The following BICRAL variants were observed in gnomAD, a reference collection of about 807,000 sequenced individuals.
The protein encoded by BICRAL is BICRA like chromatin remodeling complex associated protein, also known as BRD4-interacting chromatin-remodeling complex-associated protein-like.
Under a neutral mutation model 91.8 loss-of-function variants are expected in BICRAL, and 8 were observed. That is an observed-to-expected ratio of 0.09 (90% CI 0.05 to 0.16). BICRAL has a LOEUF of 0.16. BICRAL is among the 10% of genes least tolerant of loss of function. BICRAL has a pLI of 1.00. For synonymous variants in BICRAL, 445 were observed against 491.1 expected, an observed-to-expected ratio of 0.91 and a Z score of 1.24; for missense variants, 1,038 against 1,310.9, an observed-to-expected ratio of 0.79 and a Z score of 3.21.
rs770674437 is a variant in BICRAL, at chr6:42,750,629, G to C, written c.-261+3606G>C. 9.2e-5 allele frequency among the ~76,000 whole-genome samples: 14 copies of C among 152,244 alleles called. No homozygotes were observed. The Middle Eastern group carries it at 0.01, about 111-fold the overall frequency. On this transcript the variant is annotated intron_variant, in intron 1 of 14. Transcript: ENST00000614467. Reference sequence around the variant, plus strand: ...CTTGCTCTGTCGCCCAGGCTGGAGTGCAATGGCGCGATCTCGGCTTACTGC... The same window carrying C: ...CTTGCTCTGTCGCCCAGGCTGGAGTCCAATGGCGCGATCTCGGCTTACTGC...
chr6:42,820,401 A>T (rs1168609350), intron 2 of BICRAL, among the ~76,000 whole-genome samples: 1 of 152,112 alleles, frequency 6.6e-6, no homozygotes, highest in Non-Finnish European at 1.5e-5. Context: ...TAATTGGCTA[A>T]TTTTTTCCAT....
At chr6:42,795,424 C>T (rs1275691662) in intron 1 of BICRAL, among the ~76,000 whole-genome samples, 3 of 152,180 alleles carry the variant, frequency 2.0e-5, no homozygotes, top group African/African-American at 7.2e-5. Flanking sequence ...GAGAGCAAGA[C>T]TCTGTCTCAA....
intron 7 of BICRAL, among the ~76,000 whole-genome samples, chr6:42,853,167 T>A (rs1264114537): frequency 6.6e-6 from 1 of 151,888 alleles, no homozygotes; most frequent in African/African-American, 2.4e-5. Context: ...CCACCCAGAC[T>A]GAAAATATTA....
Position 42,750,802 on chromosome 6 carries a change from T to C in BICRAL, c.-261+3779T>C, listed in dbSNP as rs1005975782. ...ATGTTGGGCCAGGCTGGTCTTGAAC[T>C]CCTGACCTGAGATGATCCGCCTGCC... On this transcript the variant is annotated intron_variant, in intron 1 of 14. Transcript: ENST00000614467. 2.0e-5 allele frequency among the ~76,000 whole-genome samples: 3 copies of C among 149,992 alleles called. No homozygotes were observed. In the East Asian group the frequency reaches 5.9e-4, roughly 30 times the overall value.
At chr6:42,793,415 G>A (rs1763335377) in intron 1 of BICRAL, among the ~76,000 whole-genome samples, 1 of 146,192 alleles carries the variant, frequency 6.8e-6, no homozygotes, top group Non-Finnish European at 1.5e-5. Context: ...GCCTCCCAAA[G>A]TGCTGGGATT....
intron 10 of BICRAL, among the ~76,000 whole-genome samples, chr6:42,857,636 T>TATATATATATATATATATATA (rs58815206): frequency 2.0e-5 from 2 of 102,028 alleles, no homozygotes; most frequent in African/African-American, 1.4e-4. Context: ...TATATATATA[T>TATATATATATATATATATATA]TTTTTAGGAG....
At chr6:42,838,070 A>G (rs1441153096) in intron 6 of BICRAL, among the ~76,000 whole-genome samples, 2 of 152,154 alleles carry the variant, frequency 1.3e-5, no homozygotes, top group African/African-American at 4.8e-5. Context: ...TTATTTATAT[A>G]CTTTTTTCTC....
intron 1 of BICRAL, among the ~76,000 whole-genome samples, chr6:42,749,804 A>G (rs1762348506): frequency 6.6e-6 from 1 of 150,736 alleles, no homozygotes; most frequent in African/African-American, 2.4e-5. Flanking sequence ...ATATTATTTC[A>G]TATTTTATTG....
intron 2 of BICRAL, among the ~76,000 whole-genome samples, chr6:42,811,482 G>T (rs185370647): frequency 1.3e-5 from 2 of 152,068 alleles, no homozygotes; most frequent in Non-Finnish European, 2.9e-5. Flanking sequence ...TTAGCTGGGC[G>T]TGGTGGCGCA....
chr6:42,750,908 TAATA>T (rs1562445782), intron 1 of BICRAL, among the ~76,000 whole-genome samples: 8 of 57,498 alleles, frequency 1.4e-4, no homozygotes, highest in Admixed American at 2.5e-4. Flanking sequence ...TTTTTTTTTT[TAATA>T]CTTTAAGTTC....
At chr6:42,841,302 C>T (rs541357446) in intron 6 of BICRAL, among the ~76,000 whole-genome samples, 1 of 150,888 alleles carries the variant, frequency 6.6e-6, no homozygotes, top group African/African-American at 2.4e-5. Context: ...GATTCTCCTG[C>T]CTCAGCCTCC....
chr6:42,848,156 AAAAG>A (rs1240873976), intron 6 of BICRAL, among the ~76,000 whole-genome samples: 1 of 150,478 alleles, frequency 6.6e-6, no homozygotes, highest in Admixed American at 6.6e-5. Flanking sequence ...AGAAAACAGA[AAAAG>A]AAAATCGCTT....
intron 1 of BICRAL, among the ~76,000 whole-genome samples, chr6:42,751,956 C>G (rs1202354043): frequency 5.3e-5 from 8 of 151,492 alleles, no homozygotes; most frequent in Non-Finnish European, 1.0e-4. Context: ...CGCGCCCGGC[C>G]AAGCCCCTTT....
Position 42,867,837 on chromosome 6 carries a change from T to C in BICRAL, c.*2391T>C, listed in dbSNP as rs1392432398. On this transcript the variant is annotated 3_prime_UTR_variant, in exon 13 of 13. Coordinates refer to ENST00000314073, the MANE Select transcript of BICRAL (RefSeq NM_001393499.1). ...ACTTGTAAATTTTTGTGTCATTGTA[T>C]GTAAGTTTACTTTTTATGGAGGAAG... 1 of 152,250 alleles carries C rather than the reference T, an allele frequency of 6.6e-6. No homozygotes were observed. The highest frequency in any genetic ancestry group is 6.5e-5 in the Admixed American group (1 of 15,272). 9.4% of individuals were successfully genotyped at this position (152,250 alleles called of 1,614,324 possible).
chr6:42,864,030 G>A (rs1765632696), intron 12 of BICRAL, among the ~76,000 whole-genome samples: 1 of 152,132 alleles, frequency 6.6e-6, no homozygotes, highest in African/African-American at 2.4e-5. Flanking sequence ...AGTCCGTTGT[G>A]GTGGCAGATG....
chr6:42,848,437 C>T (rs950102519), intron 6 of BICRAL, among the ~76,000 whole-genome samples: 4 of 152,120 alleles, frequency 2.6e-5, no homozygotes, highest in South Asian at 4.1e-4. Context: ...AATCCTCAAG[C>T]GATTGCAAAT....
intron 1 of BICRAL, among the ~76,000 whole-genome samples, chr6:42,756,854 G>T (rs1762467400): frequency 6.6e-6 from 1 of 150,656 alleles, no homozygotes; most frequent in African/African-American, 2.4e-5. Context: ...GCACATGCTT[G>T]CGCTGTCTCT....
chr6:42,799,013 G>T (rs113975710), intron 1 of BICRAL, among the ~76,000 whole-genome samples: 25 of 152,110 alleles, frequency 1.6e-4, no homozygotes, highest in Non-Finnish European at 3.5e-4. Flanking sequence ...AAATCTGGGG[G>T]TGCAGAACCC....
intron 6 of BICRAL, among the ~76,000 whole-genome samples, chr6:42,849,896 T>TA (rs1227409567): frequency 6.6e-6 from 1 of 151,526 alleles, no homozygotes; most frequent in Non-Finnish European, 1.5e-5. Context: ...TACCAAAAAA[T>TA]ACAAAAATTA....
Sources: allele counts gnomAD v4.1 joint callset (sites outside exome capture counted in the v4.1 genomes callset), GRCh38; gene constraint gnomAD v4.1.1; transcripts MANE v1.5; gene names NCBI Gene and HGNC (gene_info 2026-07-23, HGNC 2026-07-21).